Variants in NWD2 observed in about 807,000 individuals in gnomAD.
The protein encoded by NWD2 is NACHT and WD repeat domain-containing protein 2.
NWD2 carries 37 observed loss-of-function variants against 132.7 expected under a neutral mutation model. That is an observed-to-expected ratio of 0.28 (90% CI 0.21 to 0.37). The LOEUF (loss-of-function observed/expected upper bound fraction) is 0.37, where lower values mean the gene tolerates loss of function less well. NWD2 is among the 10% of genes least tolerant of loss of function. NWD2 has a pLI of 1.00. For missense variants in NWD2, 1,592 were observed against 2,122.4 expected, an observed-to-expected ratio of 0.75 and a Z score of 4.91; for synonymous variants, 705 against 803.0, an observed-to-expected ratio of 0.88 and a Z score of 2.06.
At chr4:37,282,379 T>G (rs1160532206) in intron 1 of NWD2, among the ~76,000 whole-genome samples, 1 of 152,188 alleles carries the variant, frequency 6.6e-6, no homozygotes, top group East Asian at 1.9e-4. Flanking sequence ...TTCCCAGCCT[T>G]GAAGTAATTT....
intron 3 of NWD2, among the ~76,000 whole-genome samples, chr4:37,430,068 T>G (rs1712128804): frequency 6.6e-6 from 1 of 152,212 alleles, no homozygotes; most frequent in African/African-American, 2.4e-5. Flanking sequence ...TTTTGAATTT[T>G]TTTTTCAGTT....
intron 2 of NWD2, 48 bp downstream of exon 2, chr4:37,326,072 T>A: frequency 8.3e-7 from 1 of 1,202,824 alleles, no homozygotes; most frequent in Non-Finnish European, 1.2e-6. Context: ...GTTAAATAAC[T>A]AGTGTTTGTT....
intron 1 of NWD2, among the ~76,000 whole-genome samples, chr4:37,311,492 TC>T (rs1379941613): frequency 5.3e-5 from 8 of 149,582 alleles, no homozygotes; most frequent in African/African-American, 7.6e-5. Context: ...TTTGTTTTTT[TC>T]TTGTAAATTT....
At chr4:37,308,123 T>C (rs960457078) in intron 1 of NWD2, among the ~76,000 whole-genome samples, 1 of 152,264 alleles carries the variant, frequency 6.6e-6, no homozygotes, top group East Asian at 1.9e-4. Context: ...TGGGATGTAT[T>C]ACTAATAAAT....
At position 37,444,867 on chromosome 4, in the gene NWD2, G is replaced by A. The variant is rs200234605; in HGVS notation, c.2879G>A (p.Arg960His). ...ATGGATGTGACATACAGCCCAGAGC[G>A]TCTTCCCTTATCATCCAGTCACCTG... ...SSMDVTYSPE[R>H]LPLSSSHLHV... Residue 960 changes from arginine to histidine, a missense_variant, in exon 7 of 7, where the codon CGT becomes CAT. By Grantham distance (29) the Arg-to-His change is conservative (BLOSUM62 0). Transcript: ENST00000309447. The surrounding 1 kb of genome is among the most constrained non-coding windows in gnomAD (Gnocchi z 4.8). The A allele has an allele frequency of 5.5e-4, 858 of 1,552,224 alleles. 1 individual carries two copies. Among genetic ancestry groups the A allele is most frequent in the Non-Finnish European group, 6.9e-4 (787 of 1,147,124 alleles).
chr4:37,359,748 G>A (rs1450072986), intron 3 of NWD2, among the ~76,000 whole-genome samples: 2 of 152,236 alleles, frequency 1.3e-5, no homozygotes, highest in South Asian at 2.1e-4. Flanking sequence ...AGTATAGTTC[G>A]TGCTTGGCCT....
Position 37,444,973 on chromosome 4 carries a change from T to C in NWD2, c.2985T>C (p.Asp995=). ...ALENGSISTW[D]VETRQLLRQI... ...AAAATGGTTCCATCAGCACCTGGGA[T>C]GTAGAGACTCGACAGCTACTCAGGC... Residue 995 remains aspartate, a synonymous_variant, in exon 7 of 7, where the codon GAT becomes GAC. Coordinates refer to ENST00000309447, the MANE Select transcript of NWD2 (RefSeq NM_001144990.2). This position sits in a 1 kb window ranked among gnomAD's most constrained non-coding sequence, Gnocchi z 4.8. The C allele has an allele frequency of 6.4e-7, 1 of 1,552,058 alleles. No homozygotes were observed. Among genetic ancestry groups the C allele is most frequent in the Admixed American group, 2.0e-5 (1 of 51,008 alleles).
At chr4:37,247,362 C>T (rs13117857) in intron 1 of NWD2, among the ~76,000 whole-genome samples, 34,352 of 152,028 alleles carry the variant, frequency 0.23, 3,951 homozygotes, top group South Asian at 0.36. Flanking sequence ...AGATTCTTGG[C>T]CAATACTGAA....
intron 1 of NWD2, among the ~76,000 whole-genome samples, chr4:37,277,897 A>G (rs1718054911): frequency 6.6e-6 from 1 of 152,090 alleles, no homozygotes; most frequent in South Asian, 2.1e-4. Flanking sequence ...TTGTGTAGTA[A>G]CTTGCCTAAG....
At chr4:37,330,614 C>T (rs2109289953) in intron 2 of NWD2, among the ~76,000 whole-genome samples, 1 of 152,278 alleles carries the variant, frequency 6.6e-6, no homozygotes, top group East Asian at 1.9e-4. Flanking sequence ...ACAAAAGCAT[C>T]CTAATTGATT....
intron 3 of NWD2, among the ~76,000 whole-genome samples, chr4:37,413,005 G>C (rs1419615245): frequency 6.6e-6 from 1 of 152,028 alleles, no homozygotes; most frequent in Non-Finnish European, 1.5e-5. Context: ...TAAGACCTAG[G>C]ACCATAAAAA....
intron 4 of NWD2, 77 bp downstream of exon 4, chr4:37,430,852 C>T: frequency 7.5e-7 from 1 of 1,333,600 alleles, no homozygotes; most frequent in South Asian, 1.3e-5. Flanking sequence ...CGGGGTGGTG[C>T]TGCACAGAAA....
At chr4:37,358,924 A>C (rs1334787145) in intron 3 of NWD2, among the ~76,000 whole-genome samples, 2 of 152,192 alleles carry the variant, frequency 1.3e-5, no homozygotes, top group African/African-American at 4.8e-5. Context: ...ATTGGAAGAC[A>C]GGTTAGGCCA....
rs370439742 is a variant in NWD2 at position 37,348,637 on chromosome 4, CATATATATATAT to C, written c.241-7701_241-7690del. Among the ~76,000 whole-genome samples the C allele has an allele frequency of 7.2e-3, 190 of 26,552 alleles. 7 individuals are homozygous for C. The highest frequency in any genetic ancestry group is 0.053 in the South Asian group (25 of 468). The allele number at this position is 26,552 out of a possible 152,430, so 17.4% of individuals were successfully genotyped here. A position where few individuals can be genotyped will look rare whatever the true frequency, so the allele number is the denominator to read the frequency against. On this transcript the variant is annotated intron_variant, in intron 2 of 6. Transcript: ENST00000309447. ...TTAAGATCCTTGCCTGTGGTTAATT[CATATATATATAT>C]ATATATATATATATATATATATATA... is the stretch of plus-strand genomic sequence containing the variant.
intron 3 of NWD2, among the ~76,000 whole-genome samples, chr4:37,394,098 G>A (rs1720731728): frequency 6.6e-6 from 1 of 152,160 alleles, no homozygotes; most frequent in Admixed American, 6.5e-5. Context: ...TAACCACACT[G>A]AGCACTTAAG....
chr4:37,339,727 A>C (rs185506836), intron 2 of NWD2, among the ~76,000 whole-genome samples: 1 of 152,194 alleles, frequency 6.6e-6, no homozygotes, highest in Admixed American at 6.5e-5. Flanking sequence ...GTGCATGGAT[A>C]TATTGAATAG....
At position 37,361,331 on chromosome 4, in the gene NWD2, A is replaced by G. The variant is rs763736909; in HGVS notation, c.357+4849A>G. 7.4e-4 allele frequency among the ~76,000 whole-genome samples: 113 copies of G among 152,300 alleles called. 1 individual carries two copies. Among genetic ancestry groups the G allele is most frequent in the African/African-American group, 2.1e-3 (88 of 41,564 alleles). On this transcript the variant is annotated intron_variant, in intron 3 of 6. Coordinates refer to ENST00000309447, the MANE Select transcript of NWD2 (RefSeq NM_001144990.2). The stretch of plus-strand genomic sequence containing the variant: ...GCTCCCCAACTCATTCTTAAAAACC[A>G]GCATCACCCTGATACCTGGCAAAAG...
intron 3 of NWD2, among the ~76,000 whole-genome samples, chr4:37,367,591 A>C (rs866235550): frequency 5.3e-5 from 8 of 152,220 alleles, no homozygotes; most frequent in Non-Finnish European, 1.5e-5. Context: ...AACGGATGAT[A>C]GGATTTCAGA....
intron 1 of NWD2, among the ~76,000 whole-genome samples, chr4:37,276,871 A>G (rs1410396629): frequency 6.6e-6 from 1 of 152,118 alleles, no homozygotes; most frequent in East Asian, 1.9e-4. Flanking sequence ...ATTCTCAGCA[A>G]ACTATCTCAA....
Sources: allele counts gnomAD v4.1 joint callset (sites outside exome capture counted in the v4.1 genomes callset), GRCh38; gene constraint gnomAD v4.1.1; non-coding constraint Gnocchi (gnomAD v3.1); transcripts MANE v1.5; gene names NCBI Gene and HGNC (gene_info 2026-07-23, HGNC 2026-07-21).